SMURF2: variants seen among roughly 807,000 people sequenced by gnomAD.
SMURF2 encodes the protein SMAD specific E3 ubiquitin protein ligase 2.
In SMURF2, 48 loss-of-function variants were observed where a neutral mutation model predicts 109.6. The ratio of observed to expected loss-of-function variants is 0.44; its 90% CI spans 0.35 to 0.56. The LOEUF is 0.56. Among genes scored for constraint, SMURF2 ranks in the 20% least tolerant of loss-of-function variants. The pLI, the probability that SMURF2 is intolerant of heterozygous loss-of-function variation, is 0.01. For missense variants in SMURF2, 575 were observed against 909.0 expected, an observed-to-expected ratio of 0.63 and a Z score of 4.72; for synonymous variants, 288 against 317.1, an observed-to-expected ratio of 0.91 and a Z score of 0.97.
intron 1 of SMURF2, among the ~76,000 whole-genome samples, chr17:64,617,201 T>C (rs1250502029): frequency 6.6e-6 from 1 of 152,066 alleles, no homozygotes; most frequent in Non-Finnish European, 1.5e-5. Flanking sequence ...ATTCTCCTCT[T>C]TCAACAGATA....
rs782706804 is a variant in SMURF2, at chr17:64,593,427, C to T, written c.334+13G>A. ...TATGTTTTTTAATTGGAAAAGCACT[C>T]GTATCTACTCACAACCAGTGTCTTT... is the stretch of plus-strand genomic sequence containing the variant. On this transcript the variant is annotated intron_variant, in intron 4 of 18. Coordinates refer to ENST00000262435, the MANE Select transcript of SMURF2 (RefSeq NM_022739.4). 1.6e-5 allele frequency: 26 copies of T among 1,598,778 alleles called. No homozygotes were observed. The highest frequency in any genetic ancestry group is 1.1e-4 in the African/African-American group (8 of 74,094).
At chr17:64,610,567 T>C (rs1347214062) in intron 1 of SMURF2, among the ~76,000 whole-genome samples, 1 of 151,954 alleles carries the variant, frequency 6.6e-6, no homozygotes, top group Non-Finnish European at 1.5e-5. Flanking sequence ...TGAGAACACA[T>C]GGACACATGG....
Position 64,591,073 on chromosome 17 carries a change from T to G in SMURF2, c.400+11A>C. 6.2e-7 allele frequency: 1 copy of G among 1,607,152 alleles called. No homozygotes were observed. The highest frequency in any genetic ancestry group is 8.5e-7 in the Non-Finnish European group (1 of 1,175,894). ...AACCAAAATTCATGTAACTTTAAATTCCACACTTACCTACTATCTGTCCTC... is the reference window on the plus strand; with the variant it reads ...AACCAAAATTCATGTAACTTTAAATGCCACACTTACCTACTATCTGTCCTC... On this transcript the variant is annotated intron_variant, in intron 5 of 18. Coordinates refer to ENST00000262435, the MANE Select transcript of SMURF2 (RefSeq NM_022739.4).
intron 1 of SMURF2, among the ~76,000 whole-genome samples, chr17:64,618,533 G>A (rs1555690307): frequency 6.6e-6 from 1 of 152,184 alleles, no homozygotes; most frequent in African/African-American, 2.4e-5. Context: ...CCTATGCTGT[G>A]TGCAGACCAA....
At chr17:64,623,609 A>G (rs1555690853) in intron 1 of SMURF2, among the ~76,000 whole-genome samples, 1 of 152,268 alleles carries the variant, frequency 6.6e-6, no homozygotes, top group Non-Finnish European at 1.5e-5. Context: ...TTTCCAGTGC[A>G]AAGGAATATA....
intron 9 of SMURF2, 141 bp downstream of exon 9, chr17:64,578,351 C>T (rs1411645553): frequency 1.1e-5 from 7 of 619,970 alleles, no homozygotes; most frequent in Non-Finnish European, 2.0e-5. Context: ...TTCTACTAAA[C>T]GTTAAAACTG....
rs527443848 is a variant in SMURF2 at position 64,662,295 on chromosome 17, C to T, written c.-415G>A. 7.5e-5 allele frequency: 73 copies of T among 978,584 alleles called. 1 individual carries two copies. The African/African-American group carries it at 1.2e-3, about 16-fold the overall frequency. 60.6% of individuals were successfully genotyped at this position (978,584 alleles called of 1,614,324 possible). A position where few individuals can be genotyped will look rare whatever the true frequency, so the allele number is the denominator to read the frequency against. On this transcript the variant is annotated 5_prime_UTR_variant, in exon 1 of 19. Coordinates refer to ENST00000262435, the MANE Select transcript of SMURF2 (RefSeq NM_022739.4). ...GGGCTCGGCCGCTTCCTCCTCCACC[C>T]GCCCTCTTGTCTGAGGGACCCGGGA...
intron 3 of SMURF2, among the ~76,000 whole-genome samples, chr17:64,595,835 AT>A (rs1157798196): frequency 2.0e-5 from 3 of 152,066 alleles, no homozygotes; most frequent in East Asian, 3.9e-4. Flanking sequence ...GGTGGCCACA[AT>A]TTTTTTTAAA....
intron 1 of SMURF2, among the ~76,000 whole-genome samples, chr17:64,655,172 C>T (rs78148049): frequency 0.05 from 7,578 of 151,270 alleles, 310 homozygotes; most frequent in Admixed American, 0.14. Context: ...TATCATGTTC[C>T]TGGGTGAGAA....
chr17:64,628,110 G>A (rs572108434), intron 1 of SMURF2, among the ~76,000 whole-genome samples: 17 of 152,300 alleles, frequency 1.1e-4, no homozygotes, highest in Admixed American at 1.0e-3. Flanking sequence ...TTCTGATGGT[G>A]ATTCCGCTGA....
At chr17:64,571,991 T>C (rs781863652) in intron 9 of SMURF2, 35 bp from the exon 10 acceptor site, 62 of 1,575,422 alleles carry the variant, frequency 3.9e-5, no homozygotes, top group South Asian at 1.1e-4. Flanking sequence ...AAATACCTCA[T>C]TGCTCGCCCT....
At chr17:64,554,776 A>G in intron 15 of SMURF2, 80 bp downstream of exon 15, 4 of 1,326,052 alleles carry the variant, frequency 3.0e-6, no homozygotes, top group Non-Finnish European at 3.2e-6. Context: ...AAGTAGTACT[A>G]TCTAAATATT....
intron 10 of SMURF2, among the ~76,000 whole-genome samples, chr17:64,566,561 G>GTTTGTTTGTTTTTTTTTTTTTT (rs1969305868): frequency 2.5e-4 from 11 of 43,800 alleles, no homozygotes; most frequent in African/African-American, 8.3e-4. Context: ...AAGCTTTCTG[G>GTTTGTTTGTTTTTTTTTTTTTT]TTTTTTTTTT....
chr17:64,591,201 T>C (rs1555687691), intron 4 of SMURF2, 52 bp from the exon 5 acceptor site: 2 of 1,268,686 alleles, frequency 1.6e-6, no homozygotes, highest in African/African-American at 1.5e-5. Flanking sequence ...GTATCAGAGA[T>C]TCTAACATCT....
chr17:64,650,331 G>A (rs1034721762), intron 1 of SMURF2, among the ~76,000 whole-genome samples: 1 of 137,038 alleles, frequency 7.3e-6, no homozygotes, highest in Middle Eastern at 3.6e-3. Context: ...ACCATCACAC[G>A]GGTTTTTTGT....
intron 5 of SMURF2, among the ~76,000 whole-genome samples, chr17:64,587,234 C>G (rs1598283547): frequency 6.6e-6 from 1 of 152,018 alleles, no homozygotes; most frequent in Non-Finnish European, 1.5e-5. Context: ...AGAGGGCCAT[C>G]CTGGTATTCC....
At chr17:64,633,227 A>G (rs1251328951) in intron 1 of SMURF2, among the ~76,000 whole-genome samples, 1 of 152,230 alleles carries the variant, frequency 6.6e-6, no homozygotes, top group East Asian at 1.9e-4. Flanking sequence ...CCATGATCAT[A>G]TCACTGTACT....
chr17:64,595,567 T>C (rs1277214321), intron 3 of SMURF2, among the ~76,000 whole-genome samples: 19 of 152,206 alleles, frequency 1.2e-4, no homozygotes, highest in Admixed American at 6.5e-5. Flanking sequence ...TATAGGTGAA[T>C]ACAATGTTAC....
intron 11 of SMURF2, among the ~76,000 whole-genome samples, chr17:64,562,425 G>C (rs1351937854): frequency 6.7e-6 from 1 of 149,270 alleles, no homozygotes; most frequent in Non-Finnish European, 1.5e-5. Context: ...TATTGCCCAG[G>C]CTGGAGTACA....
Sources: allele counts gnomAD v4.1 joint callset (sites outside exome capture counted in the v4.1 genomes callset), GRCh38; gene constraint gnomAD v4.1.1; transcripts MANE v1.5; gene names NCBI Gene and HGNC (gene_info 2026-07-23, HGNC 2026-07-21).